The following NPAS2 variants were observed in gnomAD, a reference collection of about 807,000 sequenced individuals.
The protein encoded by NPAS2 is neuronal PAS domain-containing protein 2.
NPAS2 carries 23 observed loss-of-function variants against 107.5 expected under a neutral mutation model. The observed-to-expected ratio is 0.21, with a 90% CI of 0.15 to 0.30. The LOEUF (loss-of-function observed/expected upper bound fraction) is 0.30. Among genes scored for constraint, NPAS2 ranks in the 10% least tolerant of loss-of-function variants. The pLI is 1.00. For synonymous variants in NPAS2, 403 were observed against 417.5 expected (o/e 0.97, Z 0.42); for missense variants, 756 against 1,043.3 (o/e 0.72, Z 3.79).
intron 7 of NPAS2, among the ~76,000 whole-genome samples, chr2:100,962,329 A>T (rs1289125571): frequency 1.3e-5 from 2 of 152,192 alleles, no homozygotes; most frequent in African/African-American, 4.8e-5. Flanking sequence ...TAAAAAAATG[A>T]TTGGAAAGCT....
chr2:100,873,275 C>CAT (rs376842348), intron 1 of NPAS2, among the ~76,000 whole-genome samples: 109 of 77,180 alleles, frequency 1.4e-3, no homozygotes, highest in Non-Finnish European at 2.0e-3. Context: ...AAAAAAAATA[C>CAT]ATATATATAT....
At chr2:100,919,683 C>T (rs1021296420) in intron 2 of NPAS2, among the ~76,000 whole-genome samples, 2 of 152,176 alleles carry the variant, frequency 1.3e-5, no homozygotes, top group Admixed American at 1.3e-4. Flanking sequence ...TTCACGACTG[C>T]GCCGTCGGTC....
chr2:100,875,061 T>C (rs1393006596), intron 1 of NPAS2, among the ~76,000 whole-genome samples: 5 of 152,202 alleles, frequency 3.3e-5, no homozygotes, highest in African/African-American at 9.6e-5. Flanking sequence ...CTTAAGCCCA[T>C]GTGCTCTATC....
chr2:100,843,972 A>G (rs1186292644), intron 1 of NPAS2, among the ~76,000 whole-genome samples: 3 of 152,162 alleles, frequency 2.0e-5, no homozygotes, highest in Admixed American at 6.5e-5. Flanking sequence ...GAAGATTCCA[A>G]TGATTAGATA....
intron 1 of NPAS2, among the ~76,000 whole-genome samples, chr2:100,826,219 G>A (rs985736213): frequency 1.3e-5 from 2 of 152,152 alleles, no homozygotes; most frequent in Admixed American, 6.5e-5. Flanking sequence ...CGAGGCGGGC[G>A]GATCACGAGG....
intron 1 of NPAS2, among the ~76,000 whole-genome samples, chr2:100,875,544 A>G (rs974283891): frequency 1.3e-5 from 2 of 151,478 alleles, no homozygotes; most frequent in South Asian, 2.1e-4. Context: ...ATGATGCCCC[A>G]GTGTTGGCAT....
At chr2:100,915,998 C>T (rs1682859345) in intron 2 of NPAS2, among the ~76,000 whole-genome samples, 1 of 151,992 alleles carries the variant, frequency 6.6e-6, no homozygotes, top group Non-Finnish European at 1.5e-5. Context: ...TTTCTAGATT[C>T]CATTTGAAAT....
chr2:100,819,913 C>T (rs1373322723), upstream of NPAS2, among the ~76,000 whole-genome samples: 1 of 152,008 alleles, frequency 6.6e-6, no homozygotes, highest in African/African-American at 2.4e-5. This position sits in a 1 kb window ranked among gnomAD's most constrained non-coding sequence, Gnocchi z 5.8. Context: ...GTGTCTGCGC[C>T]GCCCAGGGAA....
intron 16 of NPAS2, chr2:100,983,897 A>G (rs1387241073): frequency 6.6e-6 from 1 of 152,232 alleles, no homozygotes; most frequent in African/African-American, 2.4e-5. Flanking sequence ...GAAGGGGGAA[A>G]TCGAGCCAGA....
At chr2:100,851,610 C>G (rs1678181099) in intron 1 of NPAS2, among the ~76,000 whole-genome samples, 1 of 152,202 alleles carries the variant, frequency 6.6e-6, no homozygotes, top group Non-Finnish European at 1.5e-5. Flanking sequence ...GCCAGAAACA[C>G]ATGCAGCTAT....
chr2:100,846,443 G>A (rs1677781417), intron 1 of NPAS2, among the ~76,000 whole-genome samples: 1 of 152,146 alleles, frequency 6.6e-6, no homozygotes, highest in Non-Finnish European at 1.5e-5. Flanking sequence ...CTTTGTGTGT[G>A]TTTGTACGTT....
At position 100,950,718 on chromosome 2, in the gene NPAS2, G is replaced by A. The variant is rs958144780; in HGVS notation, c.598+1238G>A. 5.8e-4 allele frequency among the ~76,000 whole-genome samples: 88 copies of A among 152,290 alleles called. 1 individual carries two copies. The highest frequency in any genetic ancestry group is 3.4e-3 in the Middle Eastern group (1 of 294). On this transcript the variant is annotated intron_variant, in intron 7 of 20. Coordinates refer to ENST00000335681, the MANE Select transcript of NPAS2 (RefSeq NM_002518.4). Reference sequence around the variant, plus strand: ...TGCCTGGATGGTGGGCTCCTTGGCTGACTGGGAGGCCTTTCTGGGAACAGA... The same window carrying A: ...TGCCTGGATGGTGGGCTCCTTGGCTAACTGGGAGGCCTTTCTGGGAACAGA...
chr2:100,858,042 A>G (rs1573480531), intron 1 of NPAS2, among the ~76,000 whole-genome samples: 1 of 152,268 alleles, frequency 6.6e-6, no homozygotes, highest in Non-Finnish European at 1.5e-5. Flanking sequence ...GCAGCTCTTT[A>G]TAAAACATGA....
intron 1 of NPAS2, among the ~76,000 whole-genome samples, chr2:100,837,205 A>T (rs1677122548): frequency 2.0e-5 from 3 of 152,230 alleles, no homozygotes; most frequent in Admixed American, 6.5e-5. Context: ...AGATTACTTG[A>T]GGCCCCAAAT....
intron 3 of NPAS2, among the ~76,000 whole-genome samples, chr2:100,929,475 C>A (rs1683804511): frequency 6.6e-6 from 1 of 152,170 alleles, no homozygotes; most frequent in Admixed American, 6.5e-5. Flanking sequence ...ATTTGAATCA[C>A]CTGAAGAGCT....
At chr2:100,982,773 G>A in intron 16 of NPAS2, 1 of 206,778 alleles carries the variant, frequency 4.8e-6, no homozygotes, top group Non-Finnish European at 9.7e-6. Flanking sequence ...GGAGATGGAA[G>A]CAGCTCTGTT....
intron 1 of NPAS2, among the ~76,000 whole-genome samples, chr2:100,825,510 C>T (rs1464371861): frequency 2.0e-5 from 3 of 152,182 alleles, no homozygotes; most frequent in Non-Finnish European, 4.4e-5. Context: ...TTCCCTTCAT[C>T]CTTGTGGCCT....
Position 100,948,279 on chromosome 2 carries a change from A to G in NPAS2, c.408A>G (p.Gln136=). ...DQNLLNFLPE[Q]EHSEVYKILS... is the part of the protein sequence containing the mutation. ...ATTTGTTAAATTTCCTCCCAGAACA[A>G]GAACATTCAGAAGTTTATAAAATCC... Residue 136 remains glutamine (Q), a synonymous_variant, in exon 6 of 21, where the codon CAA becomes CAG. Coordinates refer to ENST00000335681, the MANE Select transcript of NPAS2 (RefSeq NM_002518.4). The G allele has an allele frequency of 1.2e-6, 2 of 1,613,508 alleles. No homozygotes were observed. Among genetic ancestry groups the G allele is most frequent in the Non-Finnish European group, 8.5e-7 (1 of 1,179,804 alleles).
At chr2:100,916,272 T>A (rs12991862) in intron 2 of NPAS2, among the ~76,000 whole-genome samples, 1 of 152,184 alleles carries the variant, frequency 6.6e-6, no homozygotes, top group Non-Finnish European at 1.5e-5. Context: ...ATGTAAATTG[T>A]CTAAATATGC....
Sources: gnomAD v4.1 joint callset for allele counts (sites outside exome capture counted in the v4.1 genomes callset) on GRCh38, gnomAD v4.1.1 for gene constraint, Gnocchi (gnomAD v3.1) non-coding constraint, MANE v1.5 for transcripts, NCBI Gene and HGNC (gene_info 2026-07-23, HGNC 2026-07-21) for gene names.